Variants in CHST6 observed in about 807,000 individuals in gnomAD.
The protein encoded by CHST6 is N-acetylglucosamine 6-O-sulfotransferase 5.
For missense variants in CHST6, 698 were observed against 586.2 expected, an observed-to-expected ratio of 1.19 and a Z score of -1.97; for synonymous variants, 309 against 276.4, an observed-to-expected ratio of 1.12 and a Z score of -1.17.
At chr16:75,494,457 T>C (rs1567417688) in intron 1 of CHST6, among the ~76,000 whole-genome samples, 1 of 152,000 alleles carries the variant, frequency 6.6e-6, no homozygotes, top group African/African-American at 2.4e-5. Flanking sequence ...GCCTTGCCTC[T>C]GTGAAAAAGG....
In CHST6 at chr16:75,492,740, C is replaced by A. The variant is rs2080269407; in HGVS notation, c.-92+2200G>T. Among the ~76,000 whole-genome samples the A allele has an allele frequency of 1.5e-5, 2 of 137,686 alleles. 1 individual carries two copies. Among genetic ancestry groups the A allele is most frequent in the South Asian group, 4.9e-4 (2 of 4,108 alleles). The allele number at this position is 137,686 out of a possible 152,430, so 90.3% of individuals were successfully genotyped here. On this transcript the variant is annotated intron_variant, in intron 1 of 2. Transcript: ENST00000332272. ...TGGCACGTGCTTGTAATCCTAGCTA[C>A]CCAGGAGGCTGAGGCAGGAGAATCA...
At chr16:75,490,238 G>A (rs1462037041) in intron 1 of CHST6, among the ~76,000 whole-genome samples, 1 of 150,740 alleles carries the variant, frequency 6.6e-6, no homozygotes, top group African/African-American at 2.4e-5. Flanking sequence ...CAGCACTTTG[G>A]GAGGCCAAGG....
chr16:75,480,120 G>C (rs181868698), intron 2 of CHST6, among the ~76,000 whole-genome samples: 1 of 144,026 alleles, frequency 6.9e-6, no homozygotes, highest in East Asian at 1.9e-4. Context: ...CTTAATGTGA[G>C]TCCTACCTTC....
intron 1 of CHST6, among the ~76,000 whole-genome samples, chr16:75,493,246 C>T (rs1248659322): frequency 6.6e-6 from 1 of 152,036 alleles, no homozygotes; most frequent in Non-Finnish European, 1.5e-5. Flanking sequence ...TGCGGTGGCT[C>T]ACACCTGTAA....
Position 75,487,569 on chromosome 16 carries a change from T to G in CHST6, c.-91-5678A>C, listed in dbSNP as rs901414361. On this transcript the variant is annotated intron_variant, in intron 1 of 2. Coordinates refer to ENST00000332272, the MANE Select transcript of CHST6 (RefSeq NM_021615.5). ...TAATCATAGCACTTGGGAGGCTGAG[T>G]AGGGTGGATCACAAGGTCAAGAGAT... Among the ~76,000 whole-genome samples the G allele has an allele frequency of 2.0e-5, 3 of 151,924 alleles. No individual in the cohort carries two copies. In the South Asian group the frequency reaches 6.2e-4, roughly 32 times the overall value.
rs2151661136 is a variant in CHST6, at chr16:75,472,443, C to CAAGTCA, written c.*6197_*6198insTGACTT. The CAAGTCA allele has an allele frequency of 6.6e-6, 1 of 152,266 alleles. No individual in the cohort carries two copies. Among genetic ancestry groups the CAAGTCA allele is most frequent in the East Asian group, 1.9e-4 (1 of 5,186 alleles). The allele number at this position is 152,266 out of a possible 1,614,324, so 9.4% of individuals were successfully genotyped here. On this transcript the variant is annotated 3_prime_UTR_variant, in exon 3 of 3. Transcript: ENST00000332272. ...TGTGGTAAGTCAACAGCAACATGGG[C>CAAGTCA]ACAGCCTTGAACAATGAAAAAGGAA...
chr16:75,493,119 T>C (rs1449476003), intron 1 of CHST6, among the ~76,000 whole-genome samples: 3 of 152,024 alleles, frequency 2.0e-5, no homozygotes, highest in South Asian at 2.1e-4. Context: ...TTAAAGACAG[T>C]AGGTATAGAG....
At chr16:75,487,806 TA>T (rs771817845) in intron 1 of CHST6, among the ~76,000 whole-genome samples, 793 of 56,204 alleles carry the variant, frequency 0.014, 3 homozygotes, top group Non-Finnish European at 0.02. Flanking sequence ...CCGTCCCCCC[TA>T]AAAAAAAAAA....
At chr16:75,480,542 G>A (rs1226264016) in intron 2 of CHST6, among the ~76,000 whole-genome samples, 1 of 151,716 alleles carries the variant, frequency 6.6e-6, no homozygotes, top group Non-Finnish European at 1.5e-5. Context: ...GAGTGCCCTT[G>A]CTACAGCGTG....
rs539363528 is a variant in CHST6 at position 75,487,288 on chromosome 16, C to G, written c.-91-5397G>C. On this transcript the variant is annotated intron_variant, in intron 1 of 2. Coordinates refer to ENST00000332272, the MANE Select transcript of CHST6 (RefSeq NM_021615.5). The stretch of plus-strand genomic sequence containing the variant: ...CAAGACATTGACCAAGGATGGTTTT[C>G]CATAGCAGGGTTGAGCTGGAGCCCA... Among the ~76,000 whole-genome samples, 13 of 152,286 alleles carry G rather than the reference C, an allele frequency of 8.5e-5. No homozygotes were observed. The South Asian group carries it at 2.7e-3, about 32-fold the overall frequency.
intron 1 of CHST6, among the ~76,000 whole-genome samples, chr16:75,486,583 G>C (rs2080201085): frequency 6.6e-6 from 1 of 152,208 alleles, no homozygotes; most frequent in Admixed American, 6.5e-5. Context: ...CAATTCTGGA[G>C]TTTTGTTGAT....
At chr16:75,494,210 G>C (rs2080286074) in intron 1 of CHST6, among the ~76,000 whole-genome samples, 1 of 152,266 alleles carries the variant, frequency 6.6e-6, no homozygotes, top group East Asian at 1.9e-4. Context: ...TGAGGGGTGT[G>C]ACTTAGAGCA....
intron 1 of CHST6, among the ~76,000 whole-genome samples, chr16:75,493,885 T>C (rs962975694): frequency 6.6e-6 from 1 of 152,130 alleles, no homozygotes; most frequent in Non-Finnish European, 1.5e-5. Flanking sequence ...CTCGCTGTTG[T>C]CCAGACTGGA....
rs1191297355 is a variant in CHST6, at chr16:75,476,704, T to C, written c.*1937A>G. ...GGTGGCTTGATCTTGGACTTCCCAG[T>C]CTCCAGACTTGTGAGAAGAACATTT... On this transcript the variant is annotated 3_prime_UTR_variant, in exon 3 of 3. Coordinates refer to ENST00000332272, the MANE Select transcript of CHST6 (RefSeq NM_021615.5). The C allele has an allele frequency of 1.3e-5, 2 of 151,560 alleles. No individual in the cohort carries two copies. The highest frequency in any genetic ancestry group is 2.9e-5 in the Non-Finnish European group (2 of 67,958). The allele number at this position is 151,560 out of a possible 1,614,324, so 9.4% of individuals were successfully genotyped here.
Position 75,479,054 on chromosome 16 carries a change from T to A in CHST6, c.775A>T (p.Lys259Ter). The A allele has an allele frequency of 6.2e-7, 1 of 1,607,910 alleles. No homozygotes were observed. Among genetic ancestry groups the A allele is most frequent in the South Asian group, 1.1e-5 (1 of 91,048 alleles). ...CGGCCGCGCAGAAAGGGTGGCGGCT[T>A]GAGTGTGGCGGCCTCGGCGATGCGT... ...HVRIAEAATL[K>*]PPPFLRGRYR... is the part of the protein sequence containing the mutation. Residue 259 changes from lysine (K) to a stop codon, truncating the protein, a stop_gained, in exon 3 of 3, where the codon AAG (lysine) becomes TAG (stop). Transcript: ENST00000332272. LOFTEE classifies it low-confidence loss of function (END_TRUNC).
In CHST6 at chr16:75,476,318, G is replaced by A. The variant is rs2080064970; in HGVS notation, c.*2323C>T. ...TGTAATCTCAGCACTTTGGGAGGCT[G>A]AGGTGGGCAGATCACTTGAGGTCAG... On this transcript the variant is annotated 3_prime_UTR_variant, in exon 3 of 3. Coordinates refer to ENST00000332272, the MANE Select transcript of CHST6 (RefSeq NM_021615.5). 1 of 151,820 alleles carries A rather than the reference G, an allele frequency of 6.6e-6. No individual in the cohort carries two copies. 9.4% of individuals were successfully genotyped at this position (151,820 alleles called of 1,614,324 possible). A position where few individuals can be genotyped will look rare whatever the true frequency, so the allele number is the denominator to read the frequency against.
Position 75,495,118 on chromosome 16 carries a change from A to G in CHST6, c.-270T>C, listed in dbSNP as rs1030136961. 2.0e-5 allele frequency: 3 copies of G among 152,312 alleles called. No individual in the cohort carries two copies. Among genetic ancestry groups the G allele is most frequent in the Non-Finnish European group, 2.9e-5 (2 of 68,132 alleles). The allele number at this position is 152,312 out of a possible 1,614,324, so 9.4% of individuals were successfully genotyped here. A position where few individuals can be genotyped will look rare whatever the true frequency, so the allele number is the denominator to read the frequency against. On this transcript the variant is annotated 5_prime_UTR_variant, in exon 1 of 3. An upstream open reading frame in the 5' UTR loses its in-frame stop. Transcript: ENST00000332272. ...TGCTCCTTAAGGTCCCAAGACTATT[A>G]AGCGACACCCGGTGAGGCCGGGAAA...
At chr16:75,480,059 C>A (rs906187807) in intron 2 of CHST6, among the ~76,000 whole-genome samples, 6 of 152,112 alleles carry the variant, frequency 3.9e-5, no homozygotes, top group African/African-American at 1.4e-4. Flanking sequence ...AGAATGCGGT[C>A]GGAAATCTGT....
Position 75,475,279 on chromosome 16 carries a change from C to T in CHST6, c.*3362G>A, listed in dbSNP as rs182619822. 2.4e-4 allele frequency: 36 copies of T among 152,370 alleles called. No homozygotes were observed. Among genetic ancestry groups the T allele is most frequent in the African/African-American group, 7.9e-4 (33 of 41,564 alleles). The allele number at this position is 152,370 out of a possible 1,614,324, so 9.4% of individuals were successfully genotyped here. On this transcript the variant is annotated 3_prime_UTR_variant, in exon 3 of 3. Transcript: ENST00000332272. ...GGAGGTAAAGTTTTGCTTCCAAGGC[C>T]TATGCTTCAAACTGGCTCACAGGAA...
Sources: allele counts gnomAD v4.1 joint callset (sites outside exome capture counted in the v4.1 genomes callset), GRCh38; gene constraint gnomAD v4.1.1; transcripts MANE v1.5; gene names NCBI Gene and HGNC (gene_info 2026-07-23, HGNC 2026-07-21).